ADK: variants seen among roughly 807,000 people sequenced by gnomAD.
ADK encodes N6,N6-dimethyladenosine kinase.
ADK carries 24 observed loss-of-function variants against 44.7 expected under a neutral mutation model. The observed-to-expected ratio is 0.54, with a 90% CI of 0.39 to 0.76. The LOEUF (loss-of-function observed/expected upper bound fraction) is 0.76, where lower values mean the gene tolerates loss of function less well. Among genes scored for constraint, ADK ranks in the 30% least tolerant of loss-of-function variants. ADK has a pLI of 0.00. For synonymous variants in ADK, 128 were observed against 142.6 expected (o/e 0.90, Z 0.73); for missense variants, 321 against 425.1 (o/e 0.76, Z 2.15).
At chr10:74,349,868 G>A (rs1265676382) in intron 4 of ADK, among the ~76,000 whole-genome samples, 4 of 151,816 alleles carry the variant, frequency 2.6e-5, no homozygotes, top group Non-Finnish European at 2.9e-5. Context: ...AAGAGCTATC[G>A]TAAATATATA....
intron 1 of ADK, among the ~76,000 whole-genome samples, chr10:74,159,105 C>T (rs1017763656): frequency 3.9e-5 from 6 of 152,180 alleles, no homozygotes; most frequent in Admixed American, 1.3e-4. Flanking sequence ...CTTTTGGCTT[C>T]GTACCATTTC....
At chr10:74,619,360 C>T (rs546294223) in intron 9 of ADK, among the ~76,000 whole-genome samples, 4 of 151,668 alleles carry the variant, frequency 2.6e-5, no homozygotes, top group African/African-American at 9.7e-5. Context: ...GAGACTGAGG[C>T]AGGAGAATTG....
intron 10 of ADK, 27 bp downstream of exon 10, chr10:74,670,296 C>T: frequency 1.9e-6 from 3 of 1,557,472 alleles, no homozygotes; most frequent in Non-Finnish European, 2.7e-6. Flanking sequence ...TTCATTCTTA[C>T]TTACAAGTAA....
At chr10:74,325,878 C>T (rs1174940872) in intron 4 of ADK, among the ~76,000 whole-genome samples, 3 of 151,472 alleles carry the variant, frequency 2.0e-5, no homozygotes, top group East Asian at 3.9e-4. Context: ...TTTTTTAAGA[C>T]AGAGTCTCTC....
chr10:74,587,229 G>A (rs1229965811), intron 7 of ADK, among the ~76,000 whole-genome samples: 1 of 152,166 alleles, frequency 6.6e-6, no homozygotes, highest in Admixed American at 6.5e-5. Flanking sequence ...CCTATTCCTT[G>A]ATATCACCGC....
chr10:74,232,546 G>GC (rs1313985569), intron 3 of ADK, among the ~76,000 whole-genome samples: 412 of 20,020 alleles, frequency 0.021, no homozygotes, highest in Non-Finnish European at 0.027. Flanking sequence ...CAACCCCCCC[G>GC]CACCCCCCCC....
chr10:74,158,582 C>T (rs1282428852), intron 1 of ADK, among the ~76,000 whole-genome samples: 1 of 152,118 alleles, frequency 6.6e-6, no homozygotes, highest in Non-Finnish European at 1.5e-5. Flanking sequence ...ATGAATTCCT[C>T]CTGGGTGTTC....
At chr10:74,159,234 T>G (rs556373602) in intron 1 of ADK, among the ~76,000 whole-genome samples, 1 of 152,264 alleles carries the variant, frequency 6.6e-6, no homozygotes, top group Non-Finnish European at 1.5e-5. Context: ...GACTTTAGTA[T>G]TTTCTTTACA....
intron 3 of ADK, among the ~76,000 whole-genome samples, chr10:74,269,158 A>G (rs1591960547): frequency 6.6e-6 from 1 of 152,184 alleles, no homozygotes; most frequent in South Asian, 2.1e-4. Flanking sequence ...TTCCCCACCA[A>G]CTATAACACT....
chr10:74,274,433 G>T (rs1039096562), intron 3 of ADK, among the ~76,000 whole-genome samples: 2 of 151,770 alleles, frequency 1.3e-5, no homozygotes, highest in Non-Finnish European at 2.9e-5. Flanking sequence ...GTGGTGGCAG[G>T]CGCCTGTAAT....
At chr10:74,653,507 CTT>C in intron 9 of ADK, among the ~76,000 whole-genome samples, 1 of 151,602 alleles carries the variant, frequency 6.6e-6, no homozygotes, top group African/African-American at 2.4e-5. Flanking sequence ...ATTTCTGCAA[CTT>C]TTTTTTTCCC....
chr10:74,480,416 A>ATTTG (rs1172803261), intron 6 of ADK, among the ~76,000 whole-genome samples: 17 of 151,646 alleles, frequency 1.1e-4, no homozygotes, highest in Admixed American at 5.9e-4. Flanking sequence ...TTTGTTGTTT[A>ATTTG]TTTGTTTGGT....
At chr10:74,516,687 C>T (rs1848598511) in intron 6 of ADK, 1 of 152,228 alleles carries the variant, frequency 6.6e-6, no homozygotes, top group African/African-American at 2.4e-5. Flanking sequence ...CCACACCCAA[C>T]TAATTTTTGT....
At chr10:74,596,550 TC>T (rs112330199) in intron 8 of ADK, among the ~76,000 whole-genome samples, 4,767 of 149,790 alleles carry the variant, frequency 0.032, 215 homozygotes, top group African/African-American at 0.1. Flanking sequence ...TCTCTCTCTC[TC>T]TTTTTTTTTT....
intron 2 of ADK, among the ~76,000 whole-genome samples, chr10:74,211,555 G>A (rs1843812086): frequency 6.6e-6 from 1 of 152,086 alleles, no homozygotes. Flanking sequence ...AAAAAATTCA[G>A]ACCATGTAGA....
At chr10:74,562,210 GT>G (rs1042784216) in intron 7 of ADK, among the ~76,000 whole-genome samples, 26 of 152,110 alleles carry the variant, frequency 1.7e-4, no homozygotes, top group Admixed American at 5.2e-4. Context: ...CATTAGTCAT[GT>G]TTTTTTCTTC....
intron 10 of ADK, among the ~76,000 whole-genome samples, chr10:74,697,360 G>A (rs1409875926): frequency 2.0e-5 from 3 of 151,898 alleles, no homozygotes; most frequent in Non-Finnish European, 4.4e-5. Flanking sequence ...CACATGGTGA[G>A]ACTCCATTTC....
At chr10:74,454,142 T>C (rs1442807472) in intron 6 of ADK, among the ~76,000 whole-genome samples, 1 of 152,164 alleles carries the variant, frequency 6.6e-6, no homozygotes, top group Non-Finnish European at 1.5e-5. Context: ...TAAAATCCTT[T>C]GACTTCATTG....
At chr10:74,536,907 CATTTA>C (rs1448140043) in intron 7 of ADK, among the ~76,000 whole-genome samples, 9 of 152,144 alleles carry the variant, frequency 5.9e-5, no homozygotes, top group Admixed American at 5.9e-4. Flanking sequence ...TGTTGATAGA[CATTTA>C]ATTTGTTTCC....
Sources: allele counts gnomAD v4.1 joint callset (sites outside exome capture counted in the v4.1 genomes callset), GRCh38; gene constraint gnomAD v4.1.1; transcripts MANE v1.5; gene names NCBI Gene and HGNC (gene_info 2026-07-23, HGNC 2026-07-21).